Variants in OR5H15 observed in about 807,000 individuals in gnomAD.
The protein encoded by OR5H15 is olfactory receptor 5H15.
For synonymous variants in OR5H15, 153 were observed against 129.1 expected (o/e 1.19, Z -1.26); for missense variants, 405 against 366.1 (o/e 1.11, Z -0.87).
rs559269559 is a variant in OR5H15 at position 98,169,437 on chromosome 3, C to G, written c.738C>G (p.Phe246Leu). The G allele has an allele frequency of 1.2e-6, 2 of 1,613,474 alleles. No homozygotes were observed. The highest frequency in any genetic ancestry group is 2.7e-5 in the African/African-American group (2 of 74,878). Residue 246 changes from phenylalanine to leucine, a missense_variant, in exon 2 of 2, where the codon TTC (phenylalanine) becomes TTG (leucine). Transcript: ENST00000641450. ...TTTCCACCTGTGGAGCCCATCTCTTCTCTGTCTGTTTATACTATGGCCCCC... is the reference window on the plus strand; with the variant it reads ...TTTCCACCTGTGGAGCCCATCTCTTGTCTGTCTGTTTATACTATGGCCCCC... ...KAFSTCGAHL[F>L]SVCLYYGPLL...
At position 98,169,500 on chromosome 3, in the gene OR5H15, A is replaced by G. The variant is rs151289674; in HGVS notation, c.801A>G (p.Ala267=). 128 of 1,613,448 alleles carry G rather than the reference A, an allele frequency of 7.9e-5. No individual in the cohort carries two copies. Among genetic ancestry groups the G allele is most frequent in the Non-Finnish European group, 1.0e-4 (119 of 1,179,672 alleles). Residue 267 remains alanine (A), a synonymous_variant, in exon 2 of 2, where the codon GCA becomes GCG. Transcript: ENST00000641450. ...ATGTGGGCCCTGCATCTCCGCAAGC[A>G]GATGGTCAAAATATGGTGGAGCCTC... is the stretch of plus-strand genomic sequence containing the variant. ...LMYVGPASPQ[A]DGQNMVEPLF...
At position 98,168,882 on chromosome 3, in the gene OR5H15, A is replaced by G. The variant is rs763834523; in HGVS notation, c.183A>G (p.Leu61=). Residue 61 remains leucine, a synonymous_variant, in exon 2 of 2, where the codon TTA becomes TTG. Coordinates refer to ENST00000641450, the MANE Select transcript of OR5H15 (RefSeq NM_001005515.2). ...CTCACCTTCATATCCCAATGTACTT[A>G]CTCCTTGGGAATTTAGCTTTTGTGG... The part of the protein sequence containing the change: ...KDPHLHIPMY[L]LLGNLAFVDA... 6.2e-7 allele frequency: 1 copy of G among 1,613,078 alleles called. No individual in the cohort carries two copies. The highest frequency in any genetic ancestry group is 2.2e-5 in the East Asian group (1 of 44,818).
chr3:98,169,176 T>C lies in OR5H15; in HGVS notation c.477T>C (p.His159=), dbSNP rs1282578257. ...YIAGILHALI[H]EGFLFRLTFC... is the part of the protein sequence containing the mutation. ...CTGGTATTCTTCATGCTTTAATCCA[T>C]GAAGGATTTTTATTCAGACTAACCT... Residue 159 remains histidine (H), a synonymous_variant, in exon 2 of 2, where the codon CAT becomes CAC. Coordinates refer to ENST00000641450, the MANE Select transcript of OR5H15 (RefSeq NM_001005515.2). 7 of 1,613,324 alleles carry C rather than the reference T, an allele frequency of 4.3e-6. No individual in the cohort carries two copies. The highest frequency in any genetic ancestry group is 3.3e-5 in the South Asian group (3 of 91,072).
Position 98,168,762 on chromosome 3 carries a change from A to T in OR5H15, c.63A>T (p.Pro21=). 6.2e-7 allele frequency: 1 copy of T among 1,613,458 alleles called. No homozygotes were observed. Among genetic ancestry groups the T allele is most frequent in the South Asian group, 1.1e-5 (1 of 91,058 alleles). ...EFVLTGFLYQ[P]QWKIPLFLAF... Reference sequence around the variant, plus strand: ...TTCTCACAGGATTTTTATATCAACCACAGTGGAAAATACCCCTGTTCTTGG... The same window carrying T: ...TTCTCACAGGATTTTTATATCAACCTCAGTGGAAAATACCCCTGTTCTTGG... Residue 21 remains proline (P), a synonymous_variant, in exon 2 of 2, where the codon CCA becomes CCT. Coordinates refer to ENST00000641450, the MANE Select transcript of OR5H15 (RefSeq NM_001005515.2).
In OR5H15 at chr3:98,169,745, A is replaced by C. The variant is rs1708782679; in HGVS notation, c.*104A>C. The C allele has an allele frequency of 2.5e-6, 2 of 792,790 alleles. No individual in the cohort carries two copies. The highest frequency in any genetic ancestry group is 4.3e-6 in the Non-Finnish European group (2 of 468,842). 49.1% of individuals were successfully genotyped at this position (792,790 alleles called of 1,614,324 possible). A position where few individuals can be genotyped will look rare whatever the true frequency, so the allele number is the denominator to read the frequency against. ...TTTTTGCAAGTATAACTGTCCTAGC[A>C]CTTTAATGACCTAACATTTTAGTAC... On this transcript the variant is annotated 3_prime_UTR_variant, in exon 2 of 2. Coordinates refer to ENST00000641450, the MANE Select transcript of OR5H15 (RefSeq NM_001005515.2).
At position 98,169,472 on chromosome 3, in the gene OR5H15, T is replaced by C; in HGVS notation, c.773T>C (p.Met258Thr). 4.3e-6 allele frequency: 7 copies of C among 1,612,932 alleles called. No homozygotes were observed. The highest frequency in any genetic ancestry group is 5.9e-6 in the Non-Finnish European group (7 of 1,179,708). Residue 258 changes from methionine (M) to threonine (T), a missense_variant, in exon 2 of 2, where the codon ATG (methionine) becomes ACG (threonine). Transcript: ENST00000641450. The part of the protein sequence containing the change: ...VCLYYGPLLL[M>T]YVGPASPQAD... ...TTATACTATGGCCCCCTTCTCTTAATGTATGTGGGCCCTGCATCTCCGCAA... is the reference window on the plus strand; with the variant it reads ...TTATACTATGGCCCCCTTCTCTTAACGTATGTGGGCCCTGCATCTCCGCAA...
At chr3:98,168,564 T>A (rs1343917696) in intron 1 of OR5H15, 118 bp from the exon 2 acceptor site, 8 of 1,136,772 alleles carry the variant, frequency 7.0e-6, no homozygotes, top group African/African-American at 1.6e-5. Flanking sequence ...GTTGTAGGAC[T>A]GATCAAAAAA....
In OR5H15 at chr3:98,168,937, A is replaced by G. The variant is rs1576114504; in HGVS notation, c.238A>G (p.Lys80Glu). ...DAWISSTVTP[K>E]MLNNFLAKSK... ...TTGGATATCATCCACAGTGACCCCA[A>G]AGATGCTGAATAACTTCTTAGCTAA... is the stretch of plus-strand genomic sequence containing the variant. Residue 80 changes from lysine to glutamate, a missense_variant, in exon 2 of 2, where the codon AAG becomes GAG. Transcript: ENST00000641450. 3.7e-6 allele frequency: 6 copies of G among 1,613,502 alleles called. No homozygotes were observed. The East Asian group carries it at 1.3e-4, about 36-fold the overall frequency.
At position 98,169,230 on chromosome 3, in the gene OR5H15, T is replaced by C; in HGVS notation, c.531T>C (p.Ile177=). The change falls in exon 2 of 2, where the codon ATT becomes ATC. Residue 177 remains isoleucine, a synonymous_variant. Coordinates refer to ENST00000641450, the MANE Select transcript of OR5H15 (RefSeq NM_001005515.2). ...GTAACTCCAACATAGTACATCACAT[T>C]TACTGTGACACTATCCCATTGTCTA... ...TFCNSNIVHH[I]YCDTIPLSKI... The C allele has an allele frequency of 1.2e-6, 2 of 1,611,486 alleles. No individual in the cohort carries two copies. Among genetic ancestry groups the C allele is most frequent in the Non-Finnish European group, 1.7e-6 (2 of 1,178,112 alleles).
Position 98,168,461 on chromosome 3 carries a change from TCTA to T in OR5H15, c.-18-218_-18-216del, listed in dbSNP as rs1334097938. ...AAATGTAGTGTATACAGAGAATGCC[TCTA>T]CTTTTACCTAAATCAGTTAATTACT... On this transcript the variant is annotated intron_variant, in intron 1 of 1. Coordinates refer to ENST00000641450, the MANE Select transcript of OR5H15 (RefSeq NM_001005515.2). 5.9e-5 allele frequency among the ~76,000 whole-genome samples: 9 copies of T among 152,076 alleles called. No homozygotes were observed. In the South Asian group the frequency reaches 1.0e-3, roughly 17 times the overall value.
intron 1 of OR5H15, among the ~76,000 whole-genome samples, chr3:98,168,452 G>A (rs534418340): frequency 6.6e-5 from 10 of 152,022 alleles, no homozygotes; most frequent in Non-Finnish European, 1.5e-4. Context: ...AGTGTATACA[G>A]AGAATGCCTC....
At position 98,168,908 on chromosome 3, in the gene OR5H15, A is replaced by G. The variant is rs1459516168; in HGVS notation, c.209A>G (p.Asp70Gly). ...CTCCTTGGGAATTTAGCTTTTGTGGATGCTTGGATATCATCCACAGTGACC... is the reference window on the plus strand; with the variant it reads ...CTCCTTGGGAATTTAGCTTTTGTGGGTGCTTGGATATCATCCACAGTGACC... ...YLLLGNLAFVDAWISSTVTPK... is the reference protein window; with the variant it reads ...YLLLGNLAFVGAWISSTVTPK... The change falls in exon 2 of 2, where the codon GAT (aspartate) becomes GGT (glycine). Residue 70 changes from aspartate (D) to glycine (G), a missense_variant. Transcript: ENST00000641450. 1.2e-6 allele frequency: 2 copies of G among 1,613,414 alleles called. No individual in the cohort carries two copies.
rs766700289 is a variant in OR5H15 at position 98,169,585 on chromosome 3, C to T, written c.886C>T (p.Gln296Ter). The T allele has an allele frequency of 5.0e-6, 8 of 1,608,118 alleles. No homozygotes were observed. The highest frequency in any genetic ancestry group is 6.8e-6 in the Non-Finnish European group (8 of 1,175,318). The stretch of plus-strand genomic sequence containing the variant: ...TATCATCTACAGTCTGAGAAATAAG[C>T]AAGTCATAGTTTCATTCATAAAAAT... Reference protein sequence around the residue: ...NPIIYSLRNKQVIVSFIKMLK... With the variant: ...NPIIYSLRNK The change falls in exon 2 of 2, where the codon CAA (glutamine) becomes TAA (stop). Residue 296 changes from glutamine (Q) to a stop codon, truncating the protein, a stop_gained. Coordinates refer to ENST00000641450, the MANE Select transcript of OR5H15 (RefSeq NM_001005515.2). LOFTEE classifies it low-confidence loss of function (END_TRUNC).
intron 1 of OR5H15, among the ~76,000 whole-genome samples, chr3:98,167,628 T>A (rs1708738112): frequency 6.6e-6 from 1 of 152,078 alleles, no homozygotes; most frequent in African/African-American, 2.4e-5. Context: ...CTGCTCGAGT[T>A]TATTTTCTTG....
Position 98,168,745 on chromosome 3 carries a change from G to T in OR5H15, c.46G>T (p.Gly16Ter). 6.2e-7 allele frequency: 1 copy of T among 1,613,322 alleles called. No homozygotes were observed. Among genetic ancestry groups the T allele is most frequent in the South Asian group, 1.1e-5 (1 of 91,040 alleles). Residue 16 changes from glycine (G) to a stop codon, truncating the protein, a stop_gained, in exon 2 of 2, where the codon GGA (glycine) becomes TGA (stop). Transcript: ENST00000641450. LOFTEE classifies it low-confidence loss of function (END_TRUNC). ...ATTGCTGACAGAGTTTGTTCTCACA[G>T]GATTTTTATATCAACCACAGTGGAA... ...ATLLTEFVLT[G>*]FLYQPQWKIP...
intron 1 of OR5H15, among the ~76,000 whole-genome samples, chr3:98,167,637 T>G (rs928734856): frequency 3.9e-5 from 6 of 152,100 alleles, no homozygotes; most frequent in African/African-American, 1.4e-4. Flanking sequence ...TTTATTTTCT[T>G]GCCATCTTTT....
chr3:98,169,021 G>A lies in OR5H15; in HGVS notation c.322G>A (p.Val108Ile), dbSNP rs4133320. Residue 108 changes from valine (V) to isoleucine (I), a missense_variant, in exon 2 of 2, where the codon GTA becomes ATA. Physicochemically the swap from Val to Ile is conservative, Grantham distance 29. Coordinates refer to ENST00000641450, the MANE Select transcript of OR5H15 (RefSeq NM_001005515.2). The part of the protein sequence containing the change: ...KIQFFSIAIG[V>I]TTECFLLATM... Reference sequence around the variant, plus strand: ...ACAATTTTTTTCCATTGCAATTGGCGTAACCACAGAATGTTTTCTCTTGGC... The same window carrying A: ...ACAATTTTTTTCCATTGCAATTGGCATAACCACAGAATGTTTTCTCTTGGC... The A allele has an allele frequency of 0.56, 896,560 of 1,612,922 alleles. 250,159 individuals carry two copies. The highest frequency in any genetic ancestry group is 0.69 in the African/African-American group (51,588 of 74,596).
rs779950860 is a variant in OR5H15, at chr3:98,169,035, T to A, written c.336T>A (p.Cys112Ter). The A allele has an allele frequency of 1.2e-5, 19 of 1,613,546 alleles. No individual in the cohort carries two copies. Residue 112 changes from cysteine to a stop codon, truncating the protein, a stop_gained, in exon 2 of 2, where the codon TGT (cysteine) becomes TGA (stop). Transcript: ENST00000641450. LOFTEE classifies it low-confidence loss of function (END_TRUNC). ...TTGCAATTGGCGTAACCACAGAATG[T>A]TTTCTCTTGGCAACAATGGCATATG... ...FSIAIGVTTE[C>*]FLLATMAYDR...
chr3:98,167,175 A>T (rs929514456), intron 1 of OR5H15, among the ~76,000 whole-genome samples: 8 of 152,128 alleles, frequency 5.3e-5, no homozygotes, highest in Non-Finnish European at 1.0e-4. Context: ...TGATATAAAT[A>T]CCCATGCTTT....
Sources: allele counts gnomAD v4.1 joint callset (sites outside exome capture counted in the v4.1 genomes callset), GRCh38; gene constraint gnomAD v4.1.1; transcripts MANE v1.5; gene names NCBI Gene and HGNC (gene_info 2026-07-23, HGNC 2026-07-21).